The following NOS1AP variants were observed in gnomAD, a reference collection of about 807,000 sequenced individuals.
NOS1AP encodes nitric oxide synthase 1 adaptor protein.
NOS1AP carries 21 observed loss-of-function variants against 56.2 expected under a neutral mutation model. The observed-to-expected ratio is 0.37, with a 90% CI of 0.26 to 0.54. The LOEUF (loss-of-function observed/expected upper bound fraction) is 0.54, where lower values mean the gene tolerates loss of function less well. NOS1AP is among the 20% of genes least tolerant of loss of function. NOS1AP has a pLI of 0.84. For missense variants in NOS1AP, 522 were observed against 657.8 expected (o/e 0.79, Z 2.26); for synonymous variants, 270 against 274.6 (o/e 0.98, Z 0.17).
chr1:162,242,600 C>T (rs1186348903), intron 2 of NOS1AP, among the ~76,000 whole-genome samples: 2 of 152,196 alleles, frequency 1.3e-5, no homozygotes, highest in African/African-American at 2.4e-5. Context: ...TGTAACTGCA[C>T]GCAAAACCCC....
rs1365742503 is a variant in NOS1AP, at chr1:162,261,496, GA to G, written c.178-25847del. Among the ~76,000 whole-genome samples, 2 of 350 alleles carry G rather than the reference GA, an allele frequency of 5.7e-3. 1 individual carries two copies. Among genetic ancestry groups the G allele is most frequent in the Non-Finnish European group, 0.043 (2 of 46 alleles). The allele number at this position is 350 out of a possible 152,430, so 0.2% of individuals were successfully genotyped here. Reference sequence around the variant, plus strand: ...AGAGAGAGAGAGAGAGAGAGAGAGAGAGAGAGAGAGAGAGAGAGAGAGAGAG... The same window carrying G: ...AGAGAGAGAGAGAGAGAGAGAGAGAGGAGAGAGAGAGAGAGAGAGAGAGAG... On this transcript the variant is annotated intron_variant, in intron 2 of 9. Transcript: ENST00000361897.
chr1:162,101,593 G>T (rs1213682520), intron 1 of NOS1AP, among the ~76,000 whole-genome samples: 2 of 152,128 alleles, frequency 1.3e-5, no homozygotes, highest in Admixed American at 6.5e-5. Context: ...TTTTCCATTT[G>T]TTTGTGTCCT....
intron 1 of NOS1AP, among the ~76,000 whole-genome samples, chr1:162,123,790 C>T (rs748431063): frequency 2.6e-5 from 4 of 152,098 alleles, no homozygotes; most frequent in Non-Finnish European, 2.9e-5. Flanking sequence ...TATCTATATA[C>T]ACACACACAT....
intron 3 of NOS1AP, among the ~76,000 whole-genome samples, chr1:162,290,385 A>T (rs916948185): frequency 6.6e-6 from 1 of 152,206 alleles, no homozygotes; most frequent in Non-Finnish European, 1.5e-5. Context: ...CCTTTTTGTC[A>T]TCTTGTTCTC....
intron 2 of NOS1AP, among the ~76,000 whole-genome samples, chr1:162,221,534 G>GCGCACACACA (rs1491138063): frequency 1.8e-4 from 13 of 73,394 alleles, no homozygotes; most frequent in African/African-American, 4.0e-4. Flanking sequence ...ACACACGCGC[G>GCGCACACACA]CACACACACA....
Position 162,300,722 on chromosome 1 carries a change from A to C in NOS1AP, c.344+16A>C. 2.5e-6 allele frequency: 4 copies of C among 1,612,652 alleles called. No homozygotes were observed. The highest frequency in any genetic ancestry group is 3.4e-6 in the Non-Finnish European group (4 of 1,178,706). On this transcript the variant is annotated intron_variant, in intron 4 of 9. Transcript: ENST00000361897. ...CCATCTACAGGTAAGAGCCCAGTCC[A>C]GCACCCAAGATATCACTGAGCCCCA...
Position 162,102,017 on chromosome 1 carries a change from G to T in NOS1AP, c.105+31735G>T, listed in dbSNP as rs147377581. On this transcript the variant is annotated intron_variant, in intron 1 of 9. Transcript: ENST00000361897. Reference sequence around the variant, plus strand: ...TGATAGAAGAGGGCATTCTTGTCTTGTGCTGGTTTTCAAGGGGGAATGCTT... The same window carrying T: ...TGATAGAAGAGGGCATTCTTGTCTTTTGCTGGTTTTCAAGGGGGAATGCTT... Among the ~76,000 whole-genome samples, 33 of 152,236 alleles carry T rather than the reference G, an allele frequency of 2.2e-4. 1 individual carries two copies. Among genetic ancestry groups the T allele is most frequent in the African/African-American group, 6.5e-4 (27 of 41,544 alleles).
intron 2 of NOS1AP, among the ~76,000 whole-genome samples, chr1:162,163,463 T>C (rs1020108359): frequency 4.6e-5 from 7 of 152,196 alleles, no homozygotes; most frequent in African/African-American, 1.7e-4. Flanking sequence ...CCAATACTTT[T>C]TGAGGCTCTG....
In NOS1AP at chr1:162,195,093, G is replaced by T. The variant is rs78344479; in HGVS notation, c.177+40617G>T. Among the ~76,000 whole-genome samples the T allele has an allele frequency of 0.015, 2,337 of 152,200 alleles. 175 individuals are homozygous for T. The East Asian group carries it at 0.24, about 16-fold the overall frequency. On this transcript the variant is annotated intron_variant, in intron 2 of 9. Transcript: ENST00000361897. Reference sequence around the variant, plus strand: ...CAGTTCTGTGATTTTTGTAAAATCTGCTTTCTCTCTGGTGAAATGGGATAG... The same window carrying T: ...CAGTTCTGTGATTTTTGTAAAATCTTCTTTCTCTCTGGTGAAATGGGATAG...
chr1:162,309,209 A>T (rs1317017864), intron 4 of NOS1AP, among the ~76,000 whole-genome samples: 1 of 152,232 alleles, frequency 6.6e-6, no homozygotes, highest in Admixed American at 6.5e-5. Context: ...AACAATCAAG[A>T]GTTTAAATGA....
intron 3 of NOS1AP, among the ~76,000 whole-genome samples, chr1:162,294,217 A>C (rs140690987): frequency 0.043 from 6,531 of 150,670 alleles, 215 homozygotes; most frequent in Non-Finnish European, 0.068. Context: ...GGAAGGAAGG[A>C]AGGAAGGAAG....
intron 2 of NOS1AP, among the ~76,000 whole-genome samples, chr1:162,204,728 G>T (rs865988882): frequency 6.6e-6 from 1 of 152,202 alleles, no homozygotes; most frequent in African/African-American, 2.4e-5. Flanking sequence ...AAAATGGAAC[G>T]GAACAGAGAA....
At chr1:162,218,596 G>A (rs1652661526) in intron 2 of NOS1AP, among the ~76,000 whole-genome samples, 1 of 152,172 alleles carries the variant, frequency 6.6e-6, no homozygotes, top group Non-Finnish European at 1.5e-5. Flanking sequence ...GAGGCCTCAT[G>A]GTCTCCAAGG....
rs1647286560 is a variant in NOS1AP at position 162,369,179 on chromosome 1, C to T, written c.*1712C>T. ...TAACCAGACGGAAAAGAACGAGGAT[C>T]TCCAGGGTGTTTGAATCAGCAACAG... On this transcript the variant is annotated 3_prime_UTR_variant, in exon 10 of 10. Coordinates refer to ENST00000361897, the MANE Select transcript of NOS1AP (RefSeq NM_014697.3). The T allele has an allele frequency of 6.6e-6, 1 of 152,130 alleles. No homozygotes were observed. The highest frequency in any genetic ancestry group is 2.1e-4 in the South Asian group (1 of 4,830). The allele number at this position is 152,130 out of a possible 1,614,324, so 9.4% of individuals were successfully genotyped here.
chr1:162,112,545 A>G (rs1232477392), intron 1 of NOS1AP, among the ~76,000 whole-genome samples: 2 of 152,208 alleles, frequency 1.3e-5, no homozygotes, highest in African/African-American at 2.4e-5. Context: ...CAGATCATTC[A>G]AAGATGTTCA....
intron 4 of NOS1AP, among the ~76,000 whole-genome samples, chr1:162,301,816 T>C (rs1381672178): frequency 6.6e-6 from 1 of 152,240 alleles, no homozygotes; most frequent in Non-Finnish European, 1.5e-5. Context: ...ATTATTGCCA[T>C]GCTTTTGTTG....
intron 2 of NOS1AP, among the ~76,000 whole-genome samples, chr1:162,259,492 A>G (rs1011894782): frequency 1.3e-5 from 2 of 152,216 alleles, no homozygotes; most frequent in Non-Finnish European, 2.9e-5. Context: ...TTGCCATTCT[A>G]TAATATGTGT....
intron 8 of NOS1AP, chr1:162,360,629 G>T (rs555035774): frequency 1.4e-5 from 5 of 352,002 alleles, no homozygotes; most frequent in Non-Finnish European, 5.6e-6. Context: ...TTTATGCTTC[G>T]CAATCATGTA....
chr1:162,220,424 G>A lies in NOS1AP; in HGVS notation c.177+65948G>A, dbSNP rs541903398. On this transcript the variant is annotated intron_variant, in intron 2 of 9. Transcript: ENST00000361897. ...AGATGAACAGTGTCTGGGGAACACA[G>A]GTGTCCAGAGTGCGTATTGGACCCA... 8.5e-5 allele frequency among the ~76,000 whole-genome samples: 13 copies of A among 152,226 alleles called. No individual in the cohort carries two copies. In the South Asian group the frequency reaches 2.7e-3, roughly 32 times the overall value.
Sources: gnomAD v4.1 joint callset for allele counts (sites outside exome capture counted in the v4.1 genomes callset) on GRCh38, gnomAD v4.1.1 for gene constraint, MANE v1.5 for transcripts, NCBI Gene and HGNC (gene_info 2026-07-23, HGNC 2026-07-21) for gene names.